The following TOGARAM2 variants were observed in gnomAD, a reference collection of about 807,000 sequenced individuals.
TOGARAM2 encodes TOG array regulator of axonemal microtubules protein 2.
In TOGARAM2, 85 loss-of-function variants were observed where a neutral mutation model predicts 93.3. That is an observed-to-expected ratio of 0.91 (90% CI 0.76 to 1.09). The LOEUF (loss-of-function observed/expected upper bound fraction) is 1.09. Among genes scored for constraint, TOGARAM2 ranks in the 50% least tolerant of loss-of-function variants. The pLI is 0.00. For missense variants in TOGARAM2, 1,277 were observed against 1,334.5 expected (o/e 0.96, Z 0.67); for synonymous variants, 593 against 552.8 (o/e 1.07, Z -1.02).
chr2:29,008,266 G>A (rs905834312), intron 6 of TOGARAM2, among the ~76,000 whole-genome samples: 7 of 140,364 alleles, frequency 5.0e-5, no homozygotes, highest in Admixed American at 2.2e-4. Context: ...TTCTTCTGTC[G>A]CAGCCTCCCG....
In TOGARAM2 at chr2:29,014,497, TTGAC is replaced by T; in HGVS notation, c.983_986del (p.Asp328ValfsTer9). ...GCTCCCACGCTGACAGCCTTCTCCT[TTGAC>T]TGTGCCAGAGAAGCCTGCCCTCCGC... On this transcript the variant is annotated frameshift_variant, in exon 8 of 20. Transcript: ENST00000379558. LOFTEE classifies it high-confidence loss of function. The T allele has an allele frequency of 6.3e-7, 1 of 1,586,050 alleles. No homozygotes were observed.
At chr2:28,960,863 T>G (rs767168209) in intron 1 of TOGARAM2, among the ~76,000 whole-genome samples, 1 of 152,184 alleles carries the variant, frequency 6.6e-6, no homozygotes, top group Non-Finnish European at 1.5e-5. Flanking sequence ...TCTCACTAAT[T>G]TACGTTTAAA....
intron 14 of TOGARAM2, among the ~76,000 whole-genome samples, chr2:29,028,788 C>T (rs965867221): frequency 1.3e-5 from 2 of 152,136 alleles, no homozygotes; most frequent in Admixed American, 1.3e-4. Flanking sequence ...GCAGAGCCAA[C>T]AGGATGCAGG....
At chr2:28,982,078 T>G (rs1672222948) in intron 1 of TOGARAM2, among the ~76,000 whole-genome samples, 1 of 152,178 alleles carries the variant, frequency 6.6e-6, no homozygotes, top group Non-Finnish European at 1.5e-5. Context: ...TCTCTGAGCC[T>G]CAGGTTTCTC....
intron 13 of TOGARAM2, among the ~76,000 whole-genome samples, chr2:29,026,129 C>A (rs551071372): frequency 4.6e-5 from 7 of 152,322 alleles, no homozygotes; most frequent in African/African-American, 1.7e-4. Flanking sequence ...AGCAAGGAGT[C>A]CTTACTCCCT....
intron 1 of TOGARAM2, among the ~76,000 whole-genome samples, chr2:28,974,699 T>C (rs1018863578): frequency 2.0e-5 from 3 of 151,954 alleles, no homozygotes; most frequent in African/African-American, 7.3e-5. Context: ...CTAAAGCCTC[T>C]GCCTCCCTGG....
chr2:29,002,217 G>T lies in TOGARAM2; in HGVS notation c.428-319G>T, dbSNP rs142329285. Among the ~76,000 whole-genome samples the T allele has an allele frequency of 3.3e-5, 5 of 152,288 alleles. No homozygotes were observed. In the East Asian group the frequency reaches 9.6e-4, roughly 29 times the overall value. On this transcript the variant is annotated intron_variant, in intron 4 of 19. Transcript: ENST00000379558. ...GGTTCAGAGAGACAGTGCCTTGCTC[G>T]AGGTCACATAGCTTCTACCCACGGC...
chr2:28,979,353 C>T (rs1249505818), upstream of TOGARAM2, among the ~76,000 whole-genome samples: 1 of 152,154 alleles, frequency 6.6e-6, no homozygotes, highest in Admixed American at 6.6e-5. Flanking sequence ...CTGGAGCCAC[C>T]CCAGGGAGGG....
chr2:29,039,441 A>G (rs901119020), intron 18 of TOGARAM2, among the ~76,000 whole-genome samples: 1 of 152,170 alleles, frequency 6.6e-6, no homozygotes, highest in Non-Finnish European at 1.5e-5. Flanking sequence ...TTCTGGCATA[A>G]AGTCCAGATG....
rs1352291920 is a variant in TOGARAM2, at chr2:29,003,488, C to T, written c.640-4C>T. 4 of 1,515,680 alleles carry T rather than the reference C, an allele frequency of 2.6e-6. No homozygotes were observed. The highest frequency in any genetic ancestry group is 4.3e-5 in the Admixed American group (2 of 46,576). 93.9% of individuals were successfully genotyped at this position (1,515,680 alleles called of 1,614,324 possible). ...CCAGACCCCTGTCCCGCCTCTGCTC[C>T]CAGGCGCAGATCTCCTGGCAATACC... is the stretch of plus-strand genomic sequence containing the variant. On this transcript the variant is annotated splice_polypyrimidine_tract_variant and splice_region_variant and intron_variant, in intron 5 of 19. Coordinates refer to ENST00000379558, the MANE Select transcript of TOGARAM2 (RefSeq NM_199280.4).
intron 6 of TOGARAM2, among the ~76,000 whole-genome samples, chr2:29,010,097 C>T (rs1274320436): frequency 6.6e-6 from 1 of 151,900 alleles, no homozygotes; most frequent in Non-Finnish European, 1.5e-5. Flanking sequence ...CTCAGGGCCC[C>T]AGGGGCAAAG....
At chr2:28,968,870 C>T (rs1215382362) in intron 1 of TOGARAM2, among the ~76,000 whole-genome samples, 3 of 113,966 alleles carry the variant, frequency 2.6e-5, no homozygotes, top group Admixed American at 9.1e-5. Flanking sequence ...GCATGCCGAA[C>T]GTGCTTCTGA....
At chr2:29,009,996 G>A (rs1664127204) in intron 6 of TOGARAM2, among the ~76,000 whole-genome samples, 1 of 151,268 alleles carries the variant, frequency 6.6e-6, no homozygotes, top group African/African-American at 2.4e-5. Context: ...GCTGCGCCAA[G>A]TCCTCTGAGG....
chr2:28,999,311 C>A lies in TOGARAM2; in HGVS notation c.270C>A (p.His90Gln), dbSNP rs761293445. 2.5e-6 allele frequency: 4 copies of A among 1,613,850 alleles called. No individual in the cohort carries two copies. Among genetic ancestry groups the A allele is most frequent in the Non-Finnish European group, 3.4e-6 (4 of 1,179,818 alleles). The change falls in exon 4 of 20, where the codon CAC (histidine) becomes CAA (glutamine). Residue 90 changes from histidine (H) to glutamine (Q), a missense_variant. Transcript: ENST00000379558. Reference sequence around the variant, plus strand: ...AGGGCTGGCAGGCAAGGAATGGTCACCCCAGGAACCTCAGGGCCTTGTCTT... The same window carrying A: ...AGGGCTGGCAGGCAAGGAATGGTCAACCCAGGAACCTCAGGGCCTTGTCTT... ...PSKGWQARNG[H>Q]PRNLRALSLG... is the part of the protein sequence containing the mutation.
chr2:28,963,755 C>G (rs1247391364), intron 1 of TOGARAM2, among the ~76,000 whole-genome samples: 1 of 152,146 alleles, frequency 6.6e-6, no homozygotes, highest in Non-Finnish European at 1.5e-5. Context: ...TGCCTGTAAT[C>G]CCAGCAGTTT....
intron 18 of TOGARAM2, among the ~76,000 whole-genome samples, chr2:29,040,545 T>C (rs770079924): frequency 6.6e-6 from 1 of 152,196 alleles, no homozygotes; most frequent in Non-Finnish European, 1.5e-5. Context: ...GAGTGTGTGT[T>C]CTGAGCTAGG....
intron 8 of TOGARAM2, among the ~76,000 whole-genome samples, chr2:29,015,007 C>T (rs1278590104): frequency 1.3e-5 from 2 of 152,144 alleles, no homozygotes; most frequent in African/African-American, 4.8e-5. Context: ...CAGGGACTGG[C>T]GAATACCTCA....
At chr2:29,043,387 A>T (rs1666551213) in intron 18 of TOGARAM2, among the ~76,000 whole-genome samples, 1 of 152,194 alleles carries the variant, frequency 6.6e-6, no homozygotes, top group South Asian at 2.1e-4. Flanking sequence ...AGAAAAACAA[A>T]GCACTGAGTG....
intron 16 of TOGARAM2, among the ~76,000 whole-genome samples, chr2:29,034,406 C>A (rs1389881029): frequency 6.6e-6 from 1 of 152,252 alleles, no homozygotes; most frequent in Admixed American, 6.5e-5. Flanking sequence ...GTTCTTCATA[C>A]CTCTGTCAGC....
Sources: gnomAD v4.1 joint callset for allele counts (sites outside exome capture counted in the v4.1 genomes callset) on GRCh38, gnomAD v4.1.1 for gene constraint, MANE v1.5 for transcripts, NCBI Gene and HGNC (gene_info 2026-07-23, HGNC 2026-07-21) for gene names.